Variants in SPTBN5 observed in about 807,000 individuals in gnomAD.
The protein encoded by SPTBN5 is spectrin beta chain, non-erythrocytic 5.
A neutral mutation model predicts 477.6 loss-of-function variants in SPTBN5; 513 were observed. The ratio of observed to expected loss-of-function variants is 1.07; its 90% CI spans 1.00 to 1.16. The LOEUF is 1.16. SPTBN5 is among the 50% of genes most tolerant of loss of function. The pLI, the probability that SPTBN5 is intolerant of heterozygous loss-of-function variation, is 0.00. For synonymous variants in SPTBN5, 2,169 were observed against 2,011.7 expected (o/e 1.08, Z -2.09); for missense variants, 5,062 against 4,731.8 (o/e 1.07, Z -2.05).
chr15:41,881,189 C>T lies in SPTBN5; in HGVS notation c.2503G>A (p.Gly835Arg), dbSNP rs2066938076. ...SPPGESLRNPGPWSEASCHPG... is the reference protein window; with the variant it reads ...SPPGESLRNPRPWSEASCHPG... ...TGGCAGGAAGCCTCACTCCAGGGCCCTGGGTTCCTCAGGCTTTCTCCTGGA... is the reference window on the plus strand; with the variant it reads ...TGGCAGGAAGCCTCACTCCAGGGCCTTGGGTTCCTCAGGCTTTCTCCTGGA... Residue 835 changes from glycine to arginine, a missense_variant, in exon 13 of 68, where the codon GGG becomes AGG. By Grantham distance (125) the Gly-to-Arg change is moderately radical. Transcript: ENST00000320955. The T allele has an allele frequency of 1.2e-6, 2 of 1,612,598 alleles. No individual in the cohort carries two copies. Among genetic ancestry groups the T allele is most frequent in the South Asian group, 2.2e-5 (2 of 91,032 alleles).
At position 41,875,713 on chromosome 15, in the gene SPTBN5, G is replaced by T. The variant is rs562151026; in HGVS notation, c.4123-91C>A. On this transcript the variant is annotated intron_variant, in intron 21 of 67. Transcript: ENST00000320955. ...GCTGGACCTGGGTGGCAGTGGAGGT[G>T]AGGGGGTGACCACAGCTGCACTCCA... 1,757 of 1,359,592 alleles carry T rather than the reference G, an allele frequency of 1.3e-3. 2 individuals carry two copies. Among genetic ancestry groups the T allele is most frequent in the Middle Eastern group, 1.7e-3 (9 of 5,148 alleles). The allele number at this position is 1,359,592 out of a possible 1,614,324, so 84.2% of individuals were successfully genotyped here.
In SPTBN5 at chr15:41,885,996, T is replaced by A. The variant is rs748766365; in HGVS notation, c.1259A>T (p.Gln420Leu). 64 of 1,547,544 alleles carry A rather than the reference T, an allele frequency of 4.1e-5. No homozygotes were observed. Among genetic ancestry groups the A allele is most frequent in the Non-Finnish European group, 5.3e-5 (61 of 1,148,432 alleles). The change falls in exon 7 of 68, where the codon CAG (glutamine) becomes CTG (leucine). Residue 420 changes from glutamine to leucine, a missense_variant. Physicochemically the swap from Gln to Leu is moderately radical, Grantham distance 113. Coordinates refer to ENST00000320955, the MANE Select transcript of SPTBN5 (RefSeq NM_016642.4). ...RSQALQQRLLQLQRLETLARR... is the reference protein window; with the variant it reads ...RSQALQQRLLLLQRLETLARR... ...GGCCAGGGTTTCTAGCCGCTGCAGC[T>A]GCAGTAGCCTCTGCTGCAGGGCCTG...
intron 25 of SPTBN5, 75 bp downstream of exon 25, chr15:41,873,770 G>A: frequency 3.2e-6 from 5 of 1,574,774 alleles, no homozygotes; most frequent in Non-Finnish European, 4.3e-6. Context: ...CCGCCTCCCT[G>A]AGAGTCCCAC....
chr15:41,878,047 A>G (rs1415142788), intron 17 of SPTBN5, among the ~76,000 whole-genome samples: 1 of 152,148 alleles, frequency 6.6e-6, no homozygotes, highest in Middle Eastern at 3.2e-3. Flanking sequence ...CCCTGACTGA[A>G]AGCAATGCAT....
Position 41,866,072 on chromosome 15 carries a change from C to G in SPTBN5, c.6788G>C (p.Arg2263Thr), listed in dbSNP as rs939604225. ...GATCCAGGCCTCTGCAAGGTCCACT[C>G]TCTGCAGGAACTCCAGGAAGTTCCG... ...DRRNFLEFLQ[R>T]VDLAEAWIQE... The change falls in exon 38 of 68, where the codon AGA becomes ACA. Residue 2263 changes from arginine (R) to threonine (T), a missense_variant. Coordinates refer to ENST00000320955, the MANE Select transcript of SPTBN5 (RefSeq NM_016642.4). 7.7e-6 allele frequency: 12 copies of G among 1,556,526 alleles called. No individual in the cohort carries two copies. The highest frequency in any genetic ancestry group is 9.6e-6 in the Non-Finnish European group (11 of 1,150,594).
At chr15:41,887,698 G>T (rs1437207147) in intron 5 of SPTBN5, among the ~76,000 whole-genome samples, 1 of 152,186 alleles carries the variant, frequency 6.6e-6, no homozygotes, top group African/African-American at 2.4e-5. Flanking sequence ...AACATGAATA[G>T]AATTGAGGGG....
chr15:41,855,297 A>G lies in SPTBN5; in HGVS notation c.9350T>C (p.Leu3117Pro). 6.2e-7 allele frequency: 1 copy of G among 1,611,816 alleles called. No individual in the cohort carries two copies. Among genetic ancestry groups the G allele is most frequent in the East Asian group, 2.2e-5 (1 of 44,856 alleles). Reference protein sequence around the residue: ...LHQLERETLLLDAWLTTKAAT... With the variant: ...LHQLERETLLPDAWLTTKAAT... Reference sequence around the variant, plus strand: ...CGCCTTGGTGGTCAGCCAGGCGTCGAGGAGCAGGGTCTCTCGCTCCAGCTG... The same window carrying G: ...CGCCTTGGTGGTCAGCCAGGCGTCGGGGAGCAGGGTCTCTCGCTCCAGCTG... The change falls in exon 55 of 68, where the codon CTC becomes CCC. Residue 3117 changes from leucine to proline, a missense_variant. Transcript: ENST00000320955.
At chr15:41,864,157 G>T in intron 39 of SPTBN5, 133 bp from the exon 40 acceptor site, 2 of 718,334 alleles carry the variant, frequency 2.8e-6, no homozygotes, top group Non-Finnish European at 4.6e-6. Flanking sequence ...GGGAAGAACT[G>T]CCTCCTGCCT....
rs563987667 is a variant in SPTBN5, at chr15:41,848,373, C to T, written c.*243G>A. The T allele has an allele frequency of 2.9e-5, 17 of 595,212 alleles. No individual in the cohort carries two copies. Among genetic ancestry groups the T allele is most frequent in the East Asian group, 5.8e-5 (2 of 34,638 alleles). The allele number at this position is 595,212 out of a possible 1,614,324, so 36.9% of individuals were successfully genotyped here. On this transcript the variant is annotated 3_prime_UTR_variant, in exon 68 of 68. Coordinates refer to ENST00000320955, the MANE Select transcript of SPTBN5 (RefSeq NM_016642.4). ...CCCTGGCCTTGCCCACCTGCTCTGC[C>T]GTAACACGTCTCCTCTTCACCCAGA...
chr15:41,852,891 T>G lies in SPTBN5; in HGVS notation c.10280A>C (p.Gln3427Pro). Residue 3427 changes from glutamine to proline, a missense_variant, in exon 60 of 68, where the codon CAG becomes CCG. Physicochemically the swap from Gln to Pro is moderately conservative, Grantham distance 76. Transcript: ENST00000320955. Reference protein sequence around the residue: ...AESWGLQKLRQRLEQAEAWLA... With the variant: ...AESWGLQKLRPRLEQAEAWLA... ...CCAGGCCTCAGCCTGCTCCAGCCTC[T>G]GCCGAAGCTTCTGCAGGCCCCAGCT... 6.2e-7 allele frequency: 1 copy of G among 1,608,138 alleles called. No individual in the cohort carries two copies. Among genetic ancestry groups the G allele is most frequent in the Non-Finnish European group, 8.5e-7 (1 of 1,176,764 alleles).
chr15:41,850,386 G>C (rs761376671), intron 66 of SPTBN5: 1 of 239,552 alleles, frequency 4.2e-6, no homozygotes, highest in Non-Finnish European at 8.2e-6. Context: ...AGTCCAAAGG[G>C]TTGTCTCTAT....
Position 41,848,468 on chromosome 15 carries a change from AACTGTCTATTCC to A in SPTBN5, c.*136_*147del. The A allele has an allele frequency of 1.1e-6, 1 of 896,502 alleles. No individual in the cohort carries two copies. Among genetic ancestry groups the A allele is most frequent in the Non-Finnish European group, 1.9e-6 (1 of 536,440 alleles). The allele number at this position is 896,502 out of a possible 1,614,324, so 55.5% of individuals were successfully genotyped here. The stretch of plus-strand genomic sequence containing the variant: ...TGGTAGGACCCATCTAACCAGAAGG[AACTGTCTATTCC>A]AGAAGCTGGGCCTGGGGAACTGGGT... On this transcript the variant is annotated 3_prime_UTR_variant, in exon 68 of 68. Coordinates refer to ENST00000320955, the MANE Select transcript of SPTBN5 (RefSeq NM_016642.4).
intron 36 of SPTBN5, 22 bp downstream of exon 36, chr15:41,866,937 T>A (rs1033010673): frequency 6.4e-7 from 1 of 1,558,554 alleles, no homozygotes; most frequent in Non-Finnish European, 8.7e-7. Context: ...TGGAAGGCCC[T>A]GGGCTGGGGG....
chr15:41,863,676 C>G, intron 41 of SPTBN5, 28 bp downstream of exon 41: 3 of 1,585,142 alleles, frequency 1.9e-6, no homozygotes, highest in Non-Finnish European at 2.6e-6. Context: ...GCTCACAGCC[C>G]CCACCGGGAC....
At position 41,853,757 on chromosome 15, in the gene SPTBN5, C is replaced by A; in HGVS notation, c.9805G>T (p.Ala3269Ser). Residue 3269 changes from alanine to serine, a missense_variant, in exon 58 of 68, where the codon GCA becomes TCA. Physicochemically the swap from Ala to Ser is moderately conservative, Grantham distance 99. Transcript: ENST00000320955. ...CGGCAGGCCTCCGTCTGTAGCCGTGCCACCTCCTTCTCCATAGCTTCCAGC... is the reference window on the plus strand; with the variant it reads ...CGGCAGGCCTCCGTCTGTAGCCGTGACACCTCCTTCTCCATAGCTTCCAGC... ...RELEAMEKEVARLQTEACRLG... is the reference protein window; with the variant it reads ...RELEAMEKEVSRLQTEACRLG... 1 of 1,576,388 alleles carries A rather than the reference C, an allele frequency of 6.3e-7. No individual in the cohort carries two copies. Among genetic ancestry groups the A allele is most frequent in the Non-Finnish European group, 8.6e-7 (1 of 1,161,200 alleles).
Position 41,893,482 on chromosome 15 carries a change from G to A in SPTBN5, c.16C>T (p.His6Tyr), listed in dbSNP as rs756386737. The A allele has an allele frequency of 1.1e-5, 18 of 1,588,852 alleles. 1 individual carries two copies. The South Asian group carries it at 2.0e-4, about 18-fold the overall frequency. Residue 6 changes from histidine to tyrosine, a missense_variant, in exon 2 of 68, where the codon CAC becomes TAC. Transcript: ENST00000320955. Reference sequence around the variant, plus strand: ...GCCCCGAGGAGCTCCCGGGGACTGTGGGGCTGACCAGCCATCAGCCCTGCA... The same window carrying A: ...GCCCCGAGGAGCTCCCGGGGACTGTAGGGCTGACCAGCCATCAGCCCTGCA... MAGQP[H>Y]SPRELLGAAG...
rs781252899 is a variant in SPTBN5, at chr15:41,858,627, A to C, written c.8201T>G (p.Met2734Arg). ...QNFQAELDAS[M>R]HQQQELQREG... ...CCGCTGCAGCTCCTGCTGTTGGTGC[A>C]TGCTCGCGTCCAGCTCCGCCTGGAA... Residue 2734 changes from methionine (M) to arginine (R), a missense_variant, in exon 49 of 68, where the codon ATG (methionine) becomes AGG (arginine). Transcript: ENST00000320955. 13 of 1,611,416 alleles carry C rather than the reference A, an allele frequency of 8.1e-6. No individual in the cohort carries two copies.
At chr15:41,857,524 G>C in intron 50 of SPTBN5, 30 bp from the exon 51 acceptor site, 1 of 1,601,910 alleles carries the variant, frequency 6.2e-7, no homozygotes, top group Non-Finnish European at 8.5e-7. Flanking sequence ...AGGCAGGAGG[G>C]GAGTGTCCTG....
At position 41,853,614 on chromosome 15, in the gene SPTBN5, G is replaced by A; in HGVS notation, c.9948C>T (p.Gly3316=). Residue 3316 remains glycine, a synonymous_variant, in exon 58 of 68, where the codon GGC becomes GGT. Transcript: ENST00000320955. ...CCTGGCAGCGCCCGAGGAAGGCATG[G>A]CCCTGTGCAGCCTGCGCCAGCCACT... The part of the protein sequence containing the change: ...RGQWLAQAAQ[G]HAFLGRCQEL... 2 of 1,589,652 alleles carry A rather than the reference G, an allele frequency of 1.3e-6. No homozygotes were observed. Among genetic ancestry groups the A allele is most frequent in the East Asian group, 2.3e-5 (1 of 44,364 alleles).
Sources: gnomAD v4.1 joint callset for allele counts (sites outside exome capture counted in the v4.1 genomes callset) on GRCh38, gnomAD v4.1.1 for gene constraint, MANE v1.5 for transcripts, NCBI Gene and HGNC (gene_info 2026-07-23, HGNC 2026-07-21) for gene names.